The following SOS1 variants were observed in gnomAD, a reference collection of about 807,000 sequenced individuals.
SOS1 encodes the protein son of sevenless homolog 1.
Under a neutral mutation model 157.6 loss-of-function variants are expected in SOS1, and 25 were observed. That is an observed-to-expected ratio of 0.16 (90% confidence interval 0.12 to 0.22). SOS1 has a LOEUF of 0.22. Among genes scored for constraint, SOS1 ranks in the 10% least tolerant of loss-of-function variants. The pLI is 1.00. For synonymous variants in SOS1, 528 were observed against 534.0 expected, an observed-to-expected ratio of 0.99 and a Z score of 0.16; for missense variants, 1,237 against 1,599.1, an observed-to-expected ratio of 0.77 and a Z score of 3.86.
chr2:39,010,459 G>T, intron 15 of SOS1, 125 bp downstream of exon 15: 1 of 809,604 alleles, frequency 1.2e-6, no homozygotes, highest in Non-Finnish European at 2.1e-6. Flanking sequence ...GGGCCGATGT[G>T]CCACTGCACT....
In SOS1 at chr2:39,058,590, T is replaced by C. The variant is rs1671295141; in HGVS notation, c.345+83A>G. On this transcript the variant is annotated intron_variant, in intron 3 of 22. Coordinates refer to ENST00000402219, the MANE Select transcript of SOS1 (RefSeq NM_005633.4). ...TTTTACTCTTAAGTTGACTCAATTA[T>C]CCATAAAATATATTCTTATTGTATA... 2.8e-6 allele frequency: 4 copies of C among 1,423,034 alleles called. No homozygotes were observed. In the Admixed American group the frequency reaches 5.3e-5, roughly 19 times the overall value. 88.2% of individuals were successfully genotyped at this position (1,423,034 alleles called of 1,614,324 possible). A position where few individuals can be genotyped will look rare whatever the true frequency, so the allele number is the denominator to read the frequency against.
chr2:39,007,673 C>A (rs114700188), intron 15 of SOS1, among the ~76,000 whole-genome samples: 1 of 152,124 alleles, frequency 6.6e-6, no homozygotes, highest in Admixed American at 6.5e-5. Flanking sequence ...TACATTTCTA[C>A]GAACAGCATT....
intron 17 of SOS1, among the ~76,000 whole-genome samples, chr2:39,004,114 T>A (rs770131682): frequency 3.2e-4 from 49 of 151,958 alleles, no homozygotes; most frequent in Non-Finnish European, 6.5e-4. Flanking sequence ...ATACAATACA[T>A]ATTAAAGAAG....
intron 6 of SOS1, among the ~76,000 whole-genome samples, chr2:39,045,060 G>T (rs1670714761): frequency 6.6e-6 from 1 of 152,042 alleles, no homozygotes; most frequent in African/African-American, 2.4e-5. Flanking sequence ...ATACTTTATT[G>T]TTTAGGGTAT....
chr2:38,993,909 A>T (rs1668812378), intron 20 of SOS1: 1 of 152,216 alleles, frequency 6.6e-6, no homozygotes, highest in Admixed American at 6.5e-5. Flanking sequence ...TGAAGTTTTG[A>T]TTTAATAACG....
intron 10 of SOS1, among the ~76,000 whole-genome samples, chr2:39,022,356 T>C (rs1360644808): frequency 6.6e-6 from 1 of 151,898 alleles, no homozygotes; most frequent in African/African-American, 2.4e-5. Flanking sequence ...CATTTTCTCA[T>C]CTATAACTGA....
chr2:39,062,860 T>C (rs1671457807), intron 2 of SOS1, among the ~76,000 whole-genome samples: 1 of 152,026 alleles, frequency 6.6e-6, no homozygotes, highest in African/African-American at 2.4e-5. Context: ...CAGAAAATTA[T>C]ATTTATTATA....
At chr2:39,113,599 C>T (rs1004656611) in intron 1 of SOS1, among the ~76,000 whole-genome samples, 1 of 152,030 alleles carries the variant, frequency 6.6e-6, no homozygotes, top group African/African-American at 2.4e-5. Flanking sequence ...ATTACATGGG[C>T]AAATTTAACT....
At chr2:39,025,356 CT>C (rs770708245) in intron 8 of SOS1, among the ~76,000 whole-genome samples, 277 of 144,020 alleles carry the variant, frequency 1.9e-3, no homozygotes, top group Middle Eastern at 3.6e-3. Flanking sequence ...GTTTATTTTT[CT>C]TTTTTTTTTT....
chr2:39,053,736 A>C (rs1410713219), intron 5 of SOS1, among the ~76,000 whole-genome samples: 1 of 151,944 alleles, frequency 6.6e-6, no homozygotes. Context: ...TTTCTTCAGG[A>C]CCCAATTAGG....
At position 39,084,454 on chromosome 2, in the gene SOS1, CT is replaced by C. The variant is rs571974808; in HGVS notation, c.88-16702del. Among the ~76,000 whole-genome samples the C allele has an allele frequency of 7.9e-5, 12 of 151,844 alleles. No individual in the cohort carries two copies. The South Asian group carries it at 1.7e-3, about 21-fold the overall frequency. ...GGAGAAAAATATGGAAGAATATAAC[CT>C]TTGTTGTCAACATGGGTTATAAATG... On this transcript the variant is annotated intron_variant, in intron 1 of 22. Coordinates refer to ENST00000402219, the MANE Select transcript of SOS1 (RefSeq NM_005633.4).
chr2:39,022,570 C>T lies in SOS1; in HGVS notation c.1858G>A (p.Asp620Asn). ...IERLTYHMYA[D>N]PNFVRTFLTT... ...TGACAGGCAACTGCATAATTCTTAC[C>T]TGCGTACATATGGTACGTAAGCCTC... The change falls in exon 10 of 23, where the codon GAT (aspartate) becomes AAT (asparagine). Residue 620 changes from aspartate to asparagine, a missense_variant and splice_region_variant. Physicochemically the swap from Asp to Asn is conservative, Grantham distance 23 (BLOSUM62 1). Coordinates refer to ENST00000402219, the MANE Select transcript of SOS1 (RefSeq NM_005633.4). 1 of 1,610,704 alleles carries T rather than the reference C, an allele frequency of 6.2e-7. No homozygotes were observed. The highest frequency in any genetic ancestry group is 8.5e-7 in the Non-Finnish European group (1 of 1,177,112).
In SOS1 at chr2:38,986,197, C is replaced by T. The variant is rs1668553502; in HGVS notation, c.3629G>A (p.Ser1210Asn). Residue 1210 changes from serine to asparagine, a missense_variant, in exon 23 of 23, where the codon AGC (serine) becomes AAC (asparagine). Transcript: ENST00000402219. ...TTCTCGTGGTGGTAATAAGGGAGGG[C>T]TTTCAGGAGGGTCTGAGATAGAGGT... Reference protein sequence around the residue: ...DRTSISDPPESPPLLPPREPV... With the variant: ...DRTSISDPPENPPLLPPREPV... 1 of 1,613,580 alleles carries T rather than the reference C, an allele frequency of 6.2e-7. No individual in the cohort carries two copies. The highest frequency in any genetic ancestry group is 8.5e-7 in the Non-Finnish European group (1 of 1,179,884).
rs535434280 is a variant in SOS1, at chr2:39,021,927, T to C, written c.1858+643A>G. On this transcript the variant is annotated intron_variant, in intron 10 of 22. Coordinates refer to ENST00000402219, the MANE Select transcript of SOS1 (RefSeq NM_005633.4). ...TTGTACCTCTCAAAAAACAGCTTTA[T>C]ATGGAAAAAAATGACAATAACCTAT... 3.9e-5 allele frequency among the ~76,000 whole-genome samples: 6 copies of C among 151,938 alleles called. No homozygotes were observed. In the South Asian group the frequency reaches 1.2e-3, roughly 31 times the overall value.
chr2:39,061,310 T>A (rs1454030860), intron 2 of SOS1, among the ~76,000 whole-genome samples: 2 of 151,936 alleles, frequency 1.3e-5, no homozygotes, highest in Admixed American at 6.6e-5. Flanking sequence ...AAGGAATTAC[T>A]TTATTTCTTG....
rs150800741 is a variant in SOS1 at position 38,995,930 on chromosome 2, T to C, written c.3082-543A>G. 3.4e-4 allele frequency among the ~76,000 whole-genome samples: 52 copies of C among 152,360 alleles called. No individual in the cohort carries two copies. The East Asian group carries it at 9.4e-3, about 28-fold the overall frequency. ...GAGTGCTTCATTGGATCAGATTATA[T>C]ACCTATTTATAATTTTCTATTTTTA... On this transcript the variant is annotated intron_variant, in intron 19 of 22. Transcript: ENST00000402219.
chr2:39,076,492 A>G (rs759053872), intron 1 of SOS1, among the ~76,000 whole-genome samples: 11 of 152,190 alleles, frequency 7.2e-5, no homozygotes, highest in Non-Finnish European at 1.6e-4. Flanking sequence ...AGGAACTAAG[A>G]CTGGTTCAAC....
At chr2:39,122,066 A>T (rs987735684), upstream of SOS1, among the ~76,000 whole-genome samples, 4 of 152,214 alleles carry the variant, frequency 2.6e-5, no homozygotes, top group African/African-American at 9.6e-5. Flanking sequence ...AGAAAGGTTC[A>T]GTGGTTCTTA....
intron 1 of SOS1, among the ~76,000 whole-genome samples, chr2:39,106,745 T>C (rs1673205602): frequency 6.6e-6 from 1 of 152,190 alleles, no homozygotes; most frequent in Non-Finnish European, 1.5e-5. Flanking sequence ...CATTCACTGG[T>C]TTGCGCCTTT....
Sources: allele counts gnomAD v4.1 joint callset (sites outside exome capture counted in the v4.1 genomes callset), GRCh38; gene constraint gnomAD v4.1.1; transcripts MANE v1.5; gene names NCBI Gene and HGNC (gene_info 2026-07-23, HGNC 2026-07-21).